SEPTIN9: variants seen among roughly 807,000 people sequenced by gnomAD.
SEPTIN9 encodes the protein septin-9.
In SEPTIN9, 13 loss-of-function variants were observed where a neutral mutation model predicts 56.6. The observed-to-expected ratio is 0.23, with a 90% CI of 0.15 to 0.37. SEPTIN9 has a LOEUF of 0.37. Ranked by LOEUF, SEPTIN9 falls within the 10% of genes least tolerant of loss-of-function variation. The probability of loss-of-function intolerance (pLI) is 1.00; values close to 1 mark genes in which losing one functional copy is unlikely to be tolerated. For missense variants in SEPTIN9, 650 were observed against 823.1 expected (o/e 0.79, Z 2.57); for synonymous variants, 332 against 334.1 (o/e 0.99, Z 0.07).
chr17:77,392,211 A>C (rs950126643), intron 2 of SEPTIN9, among the ~76,000 whole-genome samples: 2 of 152,158 alleles, frequency 1.3e-5, no homozygotes, highest in African/African-American at 4.8e-5. Context: ...TGGGGCTGTG[A>C]TGAGCAGGAA....
chr17:77,467,176 T>A (rs1188552100), intron 3 of SEPTIN9, among the ~76,000 whole-genome samples: 1 of 152,210 alleles, frequency 6.6e-6, no homozygotes, highest in Non-Finnish European at 1.5e-5. Flanking sequence ...CGTCTGACCT[T>A]CTGCTGGTGT....
At position 77,449,315 on chromosome 17, in the gene SEPTIN9, A is replaced by C. The variant is rs1052013632; in HGVS notation, c.722-32829A>C. On this transcript the variant is annotated intron_variant, in intron 3 of 11. Coordinates refer to ENST00000427177, the MANE Select transcript of SEPTIN9 (RefSeq NM_001113491.2). This position sits in a 1 kb window ranked among gnomAD's most constrained non-coding sequence, Gnocchi z 4.6. ...CGGAGATGCCTTCTCTGTGCTCTGG[A>C]GACCCTCATTTGGTGACAGCAAGAG... 1.3e-5 allele frequency among the ~76,000 whole-genome samples: 2 copies of C among 152,114 alleles called. No individual in the cohort carries two copies. The highest frequency in any genetic ancestry group is 6.6e-5 in the Admixed American group (1 of 15,258).
intron 3 of SEPTIN9, chr17:77,466,355 C>T (rs1212025737): frequency 1.0e-6 from 1 of 977,118 alleles, no homozygotes; most frequent in African/African-American, 1.8e-5. Context: ...CCCTCCCAGC[C>T]TTGGGAGAAA....
chr17:77,368,772 C>CA, intron 2 of SEPTIN9, among the ~76,000 whole-genome samples: 1 of 152,158 alleles, frequency 6.6e-6, no homozygotes, highest in East Asian at 1.9e-4. Context: ...ATATTTAAAA[C>CA]AAAAGATAAT....
At chr17:77,302,268 G>C (rs2032083209) in intron 1 of SEPTIN9, among the ~76,000 whole-genome samples, 1 of 152,046 alleles carries the variant, frequency 6.6e-6, no homozygotes, top group African/African-American at 2.4e-5. Context: ...TTTGAGACCA[G>C]CCTGGGCCAC....
chr17:77,482,790 C>T, intron 4 of SEPTIN9: 1 of 555,364 alleles, frequency 1.8e-6, no homozygotes, highest in Non-Finnish European at 3.2e-6. Context: ...TCGTGGCTTC[C>T]ACACCCCCTG....
In SEPTIN9 at chr17:77,475,721, G is replaced by A. The variant is rs761482943; in HGVS notation, c.722-6423G>A. The A allele has an allele frequency of 1.9e-6, 3 of 1,613,286 alleles. No individual in the cohort carries two copies. Among genetic ancestry groups the A allele is most frequent in the Admixed American group, 1.7e-5 (1 of 60,022 alleles). ...TGGAGGCAAGGAAGTCTTCGCCGGGGCAAGGGCACCAGCTGTAGATGCCGG... is the reference window on the plus strand; with the variant it reads ...TGGAGGCAAGGAAGTCTTCGCCGGGACAAGGGCACCAGCTGTAGATGCCGG... On this transcript the variant is annotated intron_variant, in intron 3 of 11. Transcript: ENST00000427177. The surrounding 1 kb of genome is among the most constrained non-coding windows in gnomAD (Gnocchi z 4.6).
At chr17:77,378,623 G>A (rs74691564) in intron 2 of SEPTIN9, among the ~76,000 whole-genome samples, 2,210 of 152,290 alleles carry the variant, frequency 0.015, 40 homozygotes, top group African/African-American at 0.051. Context: ...GAATGAGGCC[G>A]GACAGCATGG....
At chr17:77,460,752 G>A (rs2038435078) in intron 3 of SEPTIN9, among the ~76,000 whole-genome samples, 1 of 152,200 alleles carries the variant, frequency 6.6e-6, no homozygotes, top group Admixed American at 6.5e-5. Context: ...CCTCACTGCT[G>A]CCGCTATGCA....
At chr17:77,320,161 C>T (rs532866865) in intron 2 of SEPTIN9, 18 of 1,527,510 alleles carry the variant, frequency 1.2e-5, no homozygotes, top group Non-Finnish European at 1.3e-5. Flanking sequence ...CGGATGCATT[C>T]GTGATTGCAA....
intron 2 of SEPTIN9, among the ~76,000 whole-genome samples, chr17:77,340,413 T>G (rs1346691635): frequency 6.6e-6 from 1 of 152,194 alleles, no homozygotes; most frequent in African/African-American, 2.4e-5. Flanking sequence ...AGTGCTGGGA[T>G]TACAGGCGTG....
At position 77,371,009 on chromosome 17, in the gene SEPTIN9, C is replaced by T. The variant is rs1430007056; in HGVS notation, c.77-31050C>T. Among the ~76,000 whole-genome samples the T allele has an allele frequency of 2.6e-5, 4 of 152,164 alleles. No individual in the cohort carries two copies. The highest frequency in any genetic ancestry group is 7.2e-5 in the African/African-American group (3 of 41,432). ...AGGGTGGTGCCCAGCTGTTTCCCATCTCCTCTGAGGACAGGAAAAAAAAGG... is the reference window on the plus strand; with the variant it reads ...AGGGTGGTGCCCAGCTGTTTCCCATTTCCTCTGAGGACAGGAAAAAAAAGG... On this transcript the variant is annotated intron_variant, in intron 2 of 11. Transcript: ENST00000427177. This position sits in a 1 kb window ranked among gnomAD's most constrained non-coding sequence, Gnocchi z 4.1.
chr17:77,379,749 GGT>G (rs1235452694), intron 2 of SEPTIN9, among the ~76,000 whole-genome samples: 18 of 152,292 alleles, frequency 1.2e-4, no homozygotes, highest in Admixed American at 1.1e-3. Context: ...AAGTCTCCTT[GGT>G]GTATAGCCTA....
intron 1 of SEPTIN9, among the ~76,000 whole-genome samples, chr17:77,292,482 G>GTT (rs1165416244): frequency 6.0e-5 from 9 of 150,876 alleles, no homozygotes; most frequent in African/African-American, 2.2e-4. Context: ...GGAGTCTGCA[G>GTT]TTTTTTGTTT....
intron 2 of SEPTIN9, among the ~76,000 whole-genome samples, chr17:77,321,259 C>T (rs912025697): frequency 4.6e-5 from 7 of 152,026 alleles, no homozygotes; most frequent in African/African-American, 7.3e-5. Context: ...TCAACCCCTA[C>T]GTGCCTTGGG....
At chr17:77,382,035 C>CT (rs1294494250) in intron 2 of SEPTIN9, among the ~76,000 whole-genome samples, 4 of 151,154 alleles carry the variant, frequency 2.6e-5, no homozygotes, top group Admixed American at 2.0e-4. Context: ...TTCTTTCTTT[C>CT]TTTTTTTTTG....
At chr17:77,325,109 G>A (rs565599065) in intron 2 of SEPTIN9, among the ~76,000 whole-genome samples, 3 of 152,140 alleles carry the variant, frequency 2.0e-5, no homozygotes, top group South Asian at 2.1e-4. Flanking sequence ...GTGAGTCACC[G>A]CACCCAGGCT....
rs760234906 is a variant in SEPTIN9, at chr17:77,402,198, A to G, written c.216A>G (p.Glu72=). ...KFQDLGVKNS[E]PSARHVDSLS... ...AGGACCTGGGCGTGAAGAACTCAGA[A>G]CCCTCGGCCCGCCATGTGGACTCCC... The change falls in exon 3 of 12, where the codon GAA becomes GAG. Residue 72 remains glutamate, a synonymous_variant. Transcript: ENST00000427177. The surrounding 1 kb of genome is among the most constrained non-coding windows in gnomAD (Gnocchi z 6.6). 17 of 1,612,790 alleles carry G rather than the reference A, an allele frequency of 1.1e-5. No homozygotes were observed. The highest frequency in any genetic ancestry group is 3.3e-4 in the Middle Eastern group (2 of 6,060).
intron 1 of SEPTIN9, 178 bp downstream of exon 1, chr17:77,281,732 A>G: frequency 1.7e-6 from 1 of 573,060 alleles, no homozygotes; most frequent in South Asian, 2.3e-5. Context: ...TTTCGACCTG[A>G]GCCGACCGTC....
Sources: allele counts gnomAD v4.1 joint callset (sites outside exome capture counted in the v4.1 genomes callset), GRCh38; gene constraint gnomAD v4.1.1; non-coding constraint Gnocchi (gnomAD v3.1); transcripts MANE v1.5; gene names NCBI Gene and HGNC (gene_info 2026-07-23, HGNC 2026-07-21).